The following CHN1 variants were observed in gnomAD, a reference collection of about 807,000 sequenced individuals.
CHN1 encodes the protein chimerin 1.
A neutral mutation model predicts 59.5 loss-of-function variants in CHN1; 37 were observed. That is an observed-to-expected ratio of 0.62 (90% CI 0.48 to 0.82). The LOEUF (loss-of-function observed/expected upper bound fraction) is 0.82, where lower values mean the gene tolerates loss of function less well. Among genes scored for constraint, CHN1 ranks in the 40% least tolerant of loss-of-function variants. CHN1 has a pLI of 0.00. For synonymous variants in CHN1, 206 were observed against 200.4 expected (o/e 1.03, Z -0.24); for missense variants, 469 against 571.0 (o/e 0.82, Z 1.82).
At chr2:174,907,405 T>C (rs1026916677) in intron 5 of CHN1, among the ~76,000 whole-genome samples, 5 of 152,192 alleles carry the variant, frequency 3.3e-5, no homozygotes, top group African/African-American at 1.2e-4. Flanking sequence ...CCCTCCCGTA[T>C]AGACCTTGGA....
chr2:174,977,377 T>C (rs561805284), intron 1 of CHN1, among the ~76,000 whole-genome samples: 102 of 152,308 alleles, frequency 6.7e-4, no homozygotes, highest in Middle Eastern at 3.4e-3. Context: ...TGTCTAATAA[T>C]TAGAAAAATC....
At position 174,877,875 on chromosome 2, in the gene CHN1, C is replaced by T; in HGVS notation, c.514G>A (p.Asp172Asn). The T allele has an allele frequency of 6.2e-7, 1 of 1,613,484 alleles. No individual in the cohort carries two copies. The highest frequency in any genetic ancestry group is 1.3e-5 in the African/African-American group (1 of 74,998). ...GACACCCCATCCTGGCCTGTAGAAT[C>T]TCTCTCATCATGTGTCTCTTTCAGG... is the stretch of plus-strand genomic sequence containing the variant. ...PVLKETHDER[D>N]STGQDGVSEK... Residue 172 changes from aspartate to asparagine, a missense_variant, in exon 6 of 13, where the codon GAT becomes AAT. By Grantham distance (23) the Asp-to-Asn change is conservative (BLOSUM62 1). Around this residue, in one of 5 missense-constraint regions of CHN1, gnomAD observed 81 missense variants for 71.7 expected, o/e 1.13. Coordinates refer to ENST00000409900, the MANE Select transcript of CHN1 (RefSeq NM_001822.7).
intron 1 of CHN1, among the ~76,000 whole-genome samples, chr2:174,966,314 C>T (rs1167299596): frequency 6.6e-6 from 1 of 151,550 alleles, no homozygotes; most frequent in Non-Finnish European, 1.5e-5. Flanking sequence ...AATAGTGACC[C>T]AGAACCGTTA....
At chr2:174,923,713 T>A (rs1042613092) in intron 3 of CHN1, among the ~76,000 whole-genome samples, 2 of 152,154 alleles carry the variant, frequency 1.3e-5, no homozygotes, top group African/African-American at 4.8e-5. Flanking sequence ...CATTTCCCAA[T>A]CCAAGACAAA....
chr2:174,874,872 C>CTTTTTTTT (rs11406785), intron 6 of CHN1, among the ~76,000 whole-genome samples: 1 of 122,680 alleles, frequency 8.2e-6, no homozygotes, highest in Non-Finnish European at 1.6e-5. Flanking sequence ...TTTATTTATT[C>CTTTTTTTT]TTTTTTTTTT....
chr2:174,891,161 A>G (rs1039424944), intron 5 of CHN1, among the ~76,000 whole-genome samples: 8 of 149,510 alleles, frequency 5.4e-5, no homozygotes, highest in Admixed American at 1.3e-4. Context: ...AAAAAAAAAA[A>G]AAAAGAAAAA....
intron 5 of CHN1, among the ~76,000 whole-genome samples, chr2:174,904,564 T>A (rs1362077360): frequency 6.6e-6 from 1 of 152,080 alleles, no homozygotes; most frequent in Non-Finnish European, 1.5e-5. Flanking sequence ...AATTTTGTAC[T>A]TTTAGTAGAG....
At chr2:174,937,120 T>C (rs975547175) in intron 3 of CHN1, among the ~76,000 whole-genome samples, 1 of 152,226 alleles carries the variant, frequency 6.6e-6, no homozygotes, top group Non-Finnish European at 1.5e-5. Flanking sequence ...ACTAATAGTT[T>C]ATGATTGTTT....
intron 5 of CHN1, among the ~76,000 whole-genome samples, chr2:174,897,560 A>G (rs1277111197): frequency 6.6e-6 from 1 of 152,042 alleles, no homozygotes; most frequent in South Asian, 2.1e-4. Flanking sequence ...GCTCCATGTA[A>G]TAAAGTATTC....
At chr2:174,842,739 G>A (rs1686356828) in intron 7 of CHN1, among the ~76,000 whole-genome samples, 1 of 152,100 alleles carries the variant, frequency 6.6e-6, no homozygotes, top group African/African-American at 2.4e-5. Flanking sequence ...AGGATTGCTG[G>A]GTTCAGTATG....
chr2:174,822,596 G>C (rs1307641444), intron 8 of CHN1, among the ~76,000 whole-genome samples: 1 of 152,168 alleles, frequency 6.6e-6, no homozygotes, highest in African/African-American at 2.4e-5. Flanking sequence ...GTATCAGCTG[G>C]ACAAGACTGT....
intron 3 of CHN1, among the ~76,000 whole-genome samples, chr2:174,935,922 G>T (rs1689483112): frequency 6.6e-6 from 1 of 152,082 alleles, no homozygotes; most frequent in Non-Finnish European, 1.5e-5. Flanking sequence ...AACACAGCAA[G>T]ATTCTGTCTC....
At chr2:174,927,344 C>T (rs145041584) in intron 3 of CHN1, among the ~76,000 whole-genome samples, 381 of 152,284 alleles carry the variant, frequency 2.5e-3, no homozygotes, top group Non-Finnish European at 4.6e-3. Flanking sequence ...AGGCATGAGC[C>T]ACCATGCTGG....
intron 1 of CHN1, among the ~76,000 whole-genome samples, chr2:174,979,653 C>T (rs1050860812): frequency 5.9e-5 from 9 of 151,840 alleles, no homozygotes; most frequent in African/African-American, 2.2e-4. Context: ...TCTCTACTGG[C>T]GGGTGGATCA....
chr2:174,917,809 C>T (rs1367613591), intron 4 of CHN1, among the ~76,000 whole-genome samples: 2 of 151,878 alleles, frequency 1.3e-5, no homozygotes, highest in African/African-American at 2.4e-5. Flanking sequence ...ATATGATCTC[C>T]AGTCAGAAAA....
chr2:174,930,816 G>A (rs1433276569), intron 3 of CHN1, among the ~76,000 whole-genome samples: 1 of 151,684 alleles, frequency 6.6e-6, no homozygotes, highest in Non-Finnish European at 1.5e-5. Context: ...CCAGGCTGGA[G>A]TGCAGTGGCG....
At chr2:174,857,801 T>G (rs1686950650) in intron 6 of CHN1, among the ~76,000 whole-genome samples, 1 of 152,194 alleles carries the variant, frequency 6.6e-6, no homozygotes, top group African/African-American at 2.4e-5. Context: ...AGAAACACTA[T>G]TATTGTTCTG....
chr2:174,899,138 A>C (rs1688309440), intron 5 of CHN1, among the ~76,000 whole-genome samples: 1 of 152,154 alleles, frequency 6.6e-6, no homozygotes, highest in African/African-American at 2.4e-5. Context: ...ATACCAGTAG[A>C]TTCTTTTTGA....
intron 7 of CHN1, chr2:174,837,270 G>C (rs1423278732): frequency 6.6e-6 from 1 of 152,198 alleles, no homozygotes; most frequent in African/African-American, 2.4e-5. Context: ...ATGTGTACCA[G>C]GCAGAGCACA....
Sources: gnomAD v4.1 joint callset for allele counts (sites outside exome capture counted in the v4.1 genomes callset) on GRCh38, gnomAD v4.1.1 for gene constraint, gnomAD v4.1.1 regional missense constraint, MANE v1.5 for transcripts, NCBI Gene and HGNC (gene_info 2026-07-23, HGNC 2026-07-21) for gene names.